PCDH9: variants seen among roughly 807,000 people sequenced by gnomAD.
The protein encoded by PCDH9 is protocadherin 9.
A neutral mutation model predicts 70.6 loss-of-function variants in PCDH9; 24 were observed. The ratio of observed to expected loss-of-function variants is 0.34; its 90% CI spans 0.25 to 0.48. The LOEUF (loss-of-function observed/expected upper bound fraction) is 0.48, where lower values mean the gene tolerates loss of function less well. Among genes scored for constraint, PCDH9 ranks in the 20% least tolerant of loss-of-function variants. PCDH9 has a pLI of 0.99. For synonymous variants in PCDH9, 562 were observed against 558.5 expected, an observed-to-expected ratio of 1.01 and a Z score of -0.09; for missense variants, 1,281 against 1,503.6, an observed-to-expected ratio of 0.85 and a Z score of 2.45.
At chr13:66,706,958 C>T (rs1253136925) in intron 3 of PCDH9, among the ~76,000 whole-genome samples, 6 of 152,078 alleles carry the variant, frequency 3.9e-5, no homozygotes, top group Non-Finnish European at 8.8e-5. Context: ...TTTAGGAATA[C>T]AGATGTAGGG....
intron 2 of PCDH9, among the ~76,000 whole-genome samples, chr13:67,049,304 GATGT>G (rs534512606): frequency 1.7e-3 from 262 of 152,254 alleles, no homozygotes; most frequent in Non-Finnish European, 3.0e-3. Context: ...GTTTTATGAG[GATGT>G]ATTAAGGACA....
intron 4 of PCDH9, among the ~76,000 whole-genome samples, chr13:66,347,955 G>A (rs1956236882): frequency 1.3e-5 from 2 of 152,162 alleles, no homozygotes; most frequent in Admixed American, 6.5e-5. Flanking sequence ...TGAGTCACAG[G>A]ACAATTCAAA....
At chr13:66,441,527 T>C (rs1039645557) in intron 4 of PCDH9, among the ~76,000 whole-genome samples, 1 of 152,140 alleles carries the variant, frequency 6.6e-6, no homozygotes, top group African/African-American at 2.4e-5. Flanking sequence ...TGATTTTTCT[T>C]AAATCATTGT....
At chr13:66,601,027 G>T (rs1340320181) in intron 4 of PCDH9, among the ~76,000 whole-genome samples, 1 of 144,774 alleles carries the variant, frequency 6.9e-6, no homozygotes, top group African/African-American at 2.5e-5. Context: ...GGGCACACCT[G>T]GGATTCATTT....
chr13:66,445,601 C>A (rs1021783642), intron 4 of PCDH9, among the ~76,000 whole-genome samples: 1 of 139,616 alleles, frequency 7.2e-6, no homozygotes, highest in East Asian at 2.0e-4. Context: ...ATATTATATA[C>A]ACATATATAT....
chr13:66,400,827 GA>G (rs369168995), intron 4 of PCDH9, among the ~76,000 whole-genome samples: 2 of 151,890 alleles, frequency 1.3e-5, no homozygotes, highest in African/African-American at 4.8e-5. Context: ...AATATCTAAG[GA>G]AAAAAAATAG....
intron 2 of PCDH9, among the ~76,000 whole-genome samples, chr13:67,016,782 A>T (rs2084570562): frequency 1.3e-5 from 2 of 152,214 alleles, no homozygotes; most frequent in African/African-American, 2.4e-5. Context: ...TAATGATTTG[A>T]TATGAAAAGC....
chr13:66,614,057 T>C (rs1420475441), intron 4 of PCDH9, among the ~76,000 whole-genome samples: 1 of 18,404 alleles, frequency 5.4e-5, no homozygotes, highest in Non-Finnish European at 1.1e-3. Context: ...TAGCTACACT[T>C]AGCACACAAA....
At chr13:67,192,669 T>A (rs550422509) in intron 2 of PCDH9, among the ~76,000 whole-genome samples, 1 of 152,302 alleles carries the variant, frequency 6.6e-6, no homozygotes, top group Admixed American at 6.5e-5. Flanking sequence ...AACTAAGCAC[T>A]GGTGGCTAAA....
chr13:66,921,454 T>G (rs1379607557), intron 2 of PCDH9, among the ~76,000 whole-genome samples: 2 of 151,292 alleles, frequency 1.3e-5, no homozygotes, highest in African/African-American at 4.8e-5. Flanking sequence ...TTGACAAAAC[T>G]AGAGTGAAGG....
chr13:66,352,535 G>A (rs1956309238), intron 4 of PCDH9, among the ~76,000 whole-genome samples: 1 of 152,032 alleles, frequency 6.6e-6, no homozygotes. Context: ...GTACTCACAG[G>A]ACCTCTTGGA....
intron 2 of PCDH9, among the ~76,000 whole-genome samples, chr13:67,066,302 C>A (rs1166927722): frequency 6.6e-6 from 1 of 151,964 alleles, no homozygotes; most frequent in Non-Finnish European, 1.5e-5. Context: ...GGCACCATCT[C>A]GGCTCACTGC....
At chr13:66,750,648 A>T (rs79711830) in intron 3 of PCDH9, among the ~76,000 whole-genome samples, 2,036 of 152,276 alleles carry the variant, frequency 0.013, 48 homozygotes, top group African/African-American at 0.045. Context: ...AATTTAACTA[A>T]TGTAACAAAA....
In PCDH9 at chr13:67,127,663, C is replaced by CATAT. The variant is rs1261069230; in HGVS notation, c.3036+97738_3036+97741dup. ...CCTATTCATTTCAAGACTTTTTTAT[C>CATAT]ATATATATATATATGTGTGTGTGTG... On this transcript the variant is annotated intron_variant, in intron 2 of 4. Coordinates refer to ENST00000377865, the MANE Select transcript of PCDH9 (RefSeq NM_203487.3). Among the ~76,000 whole-genome samples, 529 of 116,492 alleles carry CATAT rather than the reference C, an allele frequency of 4.5e-3. 5 individuals are homozygous for CATAT. Among genetic ancestry groups the CATAT allele is most frequent in the African/African-American group, 0.017 (506 of 30,546 alleles). 76.4% of individuals were successfully genotyped at this position (116,492 alleles called of 152,430 possible).
At chr13:66,998,497 G>C (rs2084169296) in intron 2 of PCDH9, among the ~76,000 whole-genome samples, 1 of 152,132 alleles carries the variant, frequency 6.6e-6, no homozygotes, top group African/African-American at 2.4e-5. Context: ...GTGTCACTCA[G>C]ATCAATATAT....
At chr13:66,948,432 T>C (rs2083124605) in intron 2 of PCDH9, among the ~76,000 whole-genome samples, 1 of 152,084 alleles carries the variant, frequency 6.6e-6, no homozygotes, top group African/African-American at 2.4e-5. Context: ...AAATTAGTCA[T>C]GCTTACTCTT....
At chr13:67,099,322 G>A (rs529187331) in intron 2 of PCDH9, among the ~76,000 whole-genome samples, 72 of 152,230 alleles carry the variant, frequency 4.7e-4, no homozygotes, top group African/African-American at 1.6e-3. Context: ...AATAATTAAC[G>A]TGGCTTGCAT....
At chr13:66,921,419 G>A (rs1209415916) in intron 2 of PCDH9, among the ~76,000 whole-genome samples, 1 of 151,160 alleles carries the variant, frequency 6.6e-6, no homozygotes, top group Admixed American at 6.6e-5. Flanking sequence ...CAGTCATCGT[G>A]AGCATGTTCT....
intron 3 of PCDH9, among the ~76,000 whole-genome samples, chr13:66,669,386 A>G (rs2078141555): frequency 6.6e-6 from 1 of 152,180 alleles, no homozygotes; most frequent in South Asian, 2.1e-4. Flanking sequence ...GGAATTGTCT[A>G]ACTTAAATTG....
Sources: allele counts gnomAD v4.1 joint callset (sites outside exome capture counted in the v4.1 genomes callset), GRCh38; gene constraint gnomAD v4.1.1; transcripts MANE v1.5; gene names NCBI Gene and HGNC (gene_info 2026-07-23, HGNC 2026-07-21).